GRM7: variants seen among roughly 807,000 people sequenced by gnomAD.
GRM7 encodes metabotropic glutamate receptor 7.
A neutral mutation model predicts 84.5 loss-of-function variants in GRM7; 35 were observed. That is an observed-to-expected ratio of 0.41 (90% CI 0.32 to 0.55). GRM7 has a LOEUF of 0.55. Ranked by LOEUF, GRM7 falls within the 20% of genes least tolerant of loss-of-function variation. The pLI is 0.19. For synonymous variants in GRM7, 487 were observed against 455.1 expected (o/e 1.07, Z -0.89); for missense variants, 1,003 against 1,194.6 (o/e 0.84, Z 2.36).
chr3:7,501,602 A>T (rs188477561), intron 7 of GRM7, among the ~76,000 whole-genome samples: 46 of 152,310 alleles, frequency 3.0e-4, no homozygotes, highest in African/African-American at 1.1e-3. Flanking sequence ...TTCATCTAGA[A>T]TTCTAACACA....
intron 8 of GRM7, among the ~76,000 whole-genome samples, chr3:7,588,781 C>G (rs1007604145): frequency 2.0e-4 from 30 of 152,210 alleles, no homozygotes; most frequent in Non-Finnish European, 4.3e-4. Flanking sequence ...AAATGAATGA[C>G]TGAAACAAAA....
intron 1 of GRM7, among the ~76,000 whole-genome samples, chr3:6,888,337 T>C (rs977131628): frequency 2.6e-5 from 4 of 152,166 alleles, no homozygotes; most frequent in African/African-American, 9.7e-5. Context: ...AATGCTTAGG[T>C]TTTCTTCTAG....
In GRM7 at chr3:6,998,133, A is replaced by AAAAAAAAAAAAAAAAAAAAAAAAC. The variant is rs1694887602; in HGVS notation, c.519+136232_519+136233insAAAAAAAAAAAAAAAAACAAAAAA. On this transcript the variant is annotated intron_variant, in intron 1 of 9. Coordinates refer to ENST00000357716, the MANE Select transcript of GRM7 (RefSeq NM_000844.4). The stretch of plus-strand genomic sequence containing the variant: ...AATCTCCATCTCAAAAAAAAAAAAA[A>AAAAAAAAAAAAAAAAAAAAAAAAC]AAAAAAGCAGGTTAGTTACCTCCTA... Among the ~76,000 whole-genome samples, 2 of 146,516 alleles carry AAAAAAAAAAAAAAAAAAAAAAAAC rather than the reference A, an allele frequency of 1.4e-5. 1 individual carries two copies. The highest frequency in any genetic ancestry group is 3.0e-5 in the Non-Finnish European group (2 of 66,434).
chr3:7,072,929 G>A (rs1697938925), intron 1 of GRM7, among the ~76,000 whole-genome samples: 1 of 152,112 alleles, frequency 6.6e-6, no homozygotes, highest in South Asian at 2.1e-4. Context: ...ATGACATTGA[G>A]CACTCCTCAA....
intron 2 of GRM7, among the ~76,000 whole-genome samples, chr3:7,213,304 A>G (rs934383205): frequency 6.6e-6 from 1 of 152,190 alleles, no homozygotes; most frequent in Admixed American, 6.6e-5. Flanking sequence ...GATGATAATC[A>G]TGCCTTTCTT....
At chr3:7,017,529 G>A (rs768850152) in intron 1 of GRM7, among the ~76,000 whole-genome samples, 2 of 152,212 alleles carry the variant, frequency 1.3e-5, no homozygotes, top group Non-Finnish European at 2.9e-5. Flanking sequence ...TCAGAAGTAA[G>A]TATGTAAAAA....
intron 2 of GRM7, among the ~76,000 whole-genome samples, chr3:7,264,615 T>TGG (rs1698564827): frequency 6.6e-6 from 1 of 152,214 alleles, no homozygotes; most frequent in Non-Finnish European, 1.5e-5. Flanking sequence ...CTACTCTCAA[T>TGG]GTCTTCCCTC....
rs551336575 is a variant in GRM7, at chr3:7,285,919, G to A, written c.737-12765G>A. 1.8e-3 allele frequency among the ~76,000 whole-genome samples: 277 copies of A among 152,150 alleles called. 1 individual carries two copies. The highest frequency in any genetic ancestry group is 6.3e-3 in the African/African-American group (261 of 41,516). ...AGTTTTTGGAGCTTAAGTTCATGGG[G>A]CATCATTAGCAGATAATGTGGGTTG... On this transcript the variant is annotated intron_variant, in intron 2 of 9. Transcript: ENST00000357716.
At chr3:7,553,318 C>A (rs1220412322) in intron 7 of GRM7, among the ~76,000 whole-genome samples, 1 of 152,210 alleles carries the variant, frequency 6.6e-6, no homozygotes, top group East Asian at 1.9e-4. Flanking sequence ...TTCAACAAGT[C>A]TCTAGGAAGT....
intron 9 of GRM7, among the ~76,000 whole-genome samples, chr3:7,731,869 A>ATT (rs1702344791): frequency 6.6e-6 from 1 of 152,044 alleles, no homozygotes; most frequent in Non-Finnish European, 1.5e-5. Flanking sequence ...TCAGGAAGAC[A>ATT]GCTTTGGCCC....
intron 9 of GRM7, chr3:7,686,391 G>C (rs1254224515): frequency 6.4e-7 from 1 of 1,552,526 alleles, no homozygotes; most frequent in Admixed American, 1.7e-5. Context: ...GTGTACAAAA[G>C]TCTGTTACTT....
At chr3:6,907,437 A>G (rs9837980) in intron 1 of GRM7, among the ~76,000 whole-genome samples, 1 of 152,176 alleles carries the variant, frequency 6.6e-6, no homozygotes, top group South Asian at 2.1e-4. Flanking sequence ...CTAGTTCAAA[A>G]TTATTGGCAA....
intron 1 of GRM7, among the ~76,000 whole-genome samples, chr3:7,050,828 C>T (rs1696969216): frequency 6.6e-6 from 1 of 151,772 alleles, no homozygotes; most frequent in Admixed American, 6.6e-5. Context: ...TAGGTTCAAC[C>T]TATAAATTAT....
intron 1 of GRM7, among the ~76,000 whole-genome samples, chr3:6,975,349 A>G (rs944599244): frequency 2.6e-5 from 4 of 152,168 alleles, no homozygotes; most frequent in African/African-American, 7.2e-5. Flanking sequence ...TTTCCAAATG[A>G]TGGCTCTGTC....
chr3:7,060,914 A>G (rs1042856008), intron 1 of GRM7, among the ~76,000 whole-genome samples: 2 of 151,798 alleles, frequency 1.3e-5, no homozygotes, highest in Non-Finnish European at 2.9e-5. Context: ...CATGAGATGC[A>G]TCTTCCTCTT....
chr3:7,083,092 G>T (rs1698323813), intron 1 of GRM7, among the ~76,000 whole-genome samples: 1 of 152,140 alleles, frequency 6.6e-6, no homozygotes. Context: ...ACTTTTGAAA[G>T]AAATTCTACT....
chr3:7,078,539 T>C (rs1436161379), intron 1 of GRM7, among the ~76,000 whole-genome samples: 1 of 152,186 alleles, frequency 6.6e-6, no homozygotes, highest in East Asian at 1.9e-4. Context: ...TGCTCACCCA[T>C]GCCTGTATTA....
chr3:7,167,140 A>G (rs1365076620), intron 2 of GRM7, among the ~76,000 whole-genome samples: 2 of 152,214 alleles, frequency 1.3e-5, no homozygotes, highest in African/African-American at 2.4e-5. Flanking sequence ...CAATCAATCA[A>G]ATATTTCCTC....
rs139107815 is a variant in GRM7 at position 7,175,815 on chromosome 3, G to A, written c.736+29147G>A. ...GGCCTCCCAAAGTGCTGGGATTACA[G>A]GTGTGAGCCGCTGCACCCATCCAAA... On this transcript the variant is annotated intron_variant, in intron 2 of 9. Coordinates refer to ENST00000357716, the MANE Select transcript of GRM7 (RefSeq NM_000844.4). Among the ~76,000 whole-genome samples, 894 of 152,254 alleles carry A rather than the reference G, an allele frequency of 5.9e-3. 5 individuals are homozygous for A. The highest frequency in any genetic ancestry group is 0.014 in the African/African-American group (591 of 41,542).
Sources: allele counts gnomAD v4.1 joint callset (sites outside exome capture counted in the v4.1 genomes callset), GRCh38; gene constraint gnomAD v4.1.1; transcripts MANE v1.5; gene names NCBI Gene and HGNC (gene_info 2026-07-23, HGNC 2026-07-21).